The following SMOC1 variants were observed in gnomAD, a reference collection of about 807,000 sequenced individuals.
The protein encoded by SMOC1 is SPARC-related modular calcium-binding protein 1.
SMOC1 carries 22 observed loss-of-function variants against 56.3 expected under a neutral mutation model. That is an observed-to-expected ratio of 0.39 (90% confidence interval 0.28 to 0.56). The LOEUF (loss-of-function observed/expected upper bound fraction) is 0.56. Ranked by LOEUF, SMOC1 falls within the 20% of genes least tolerant of loss-of-function variation. The pLI is 0.61. For synonymous variants in SMOC1, 193 were observed against 215.0 expected, an observed-to-expected ratio of 0.90 and a Z score of 0.89; for missense variants, 509 against 565.4, an observed-to-expected ratio of 0.90 and a Z score of 1.01.
intron 1 of SMOC1, among the ~76,000 whole-genome samples, chr14:69,895,745 G>A (rs1224528901): frequency 1.3e-5 from 2 of 152,002 alleles, no homozygotes; most frequent in African/African-American, 4.8e-5. Context: ...TGGTGGTATG[G>A]CATTGTACTT....
intron 3 of SMOC1, among the ~76,000 whole-genome samples, chr14:69,973,182 C>G (rs766488670): frequency 6.6e-6 from 1 of 152,236 alleles, no homozygotes; most frequent in Non-Finnish European, 1.5e-5. Flanking sequence ...ACATTTCCAG[C>G]AGCATTTCCC....
At chr14:70,027,156 C>T (rs1462849313) in intron 11 of SMOC1, among the ~76,000 whole-genome samples, 1 of 152,214 alleles carries the variant, frequency 6.6e-6, no homozygotes, top group Non-Finnish European at 1.5e-5. Context: ...TCTGTGGGTC[C>T]TCTAGTCCAT....
intron 7 of SMOC1, among the ~76,000 whole-genome samples, chr14:70,005,411 G>A (rs1885116279): frequency 6.6e-6 from 1 of 152,148 alleles, no homozygotes; most frequent in East Asian, 1.9e-4. Context: ...CCCGTGCCCT[G>A]GGCCTGGAGA....
Position 69,952,125 on chromosome 14 carries a change from T to C in SMOC1, c.100-13T>C. On this transcript the variant is annotated splice_polypyrimidine_tract_variant and intron_variant, in intron 1 of 11. Coordinates refer to ENST00000361956, the MANE Select transcript of SMOC1 (RefSeq NM_001034852.3). ...AAGTAACCTCTGTACCCTTTCACTT[T>C]TTTCCAACCTAGTTTCTAATAAGTG... 1 of 1,614,134 alleles carries C rather than the reference T, an allele frequency of 6.2e-7. No individual in the cohort carries two copies. The highest frequency in any genetic ancestry group is 8.5e-7 in the Non-Finnish European group (1 of 1,179,982).
At chr14:69,966,612 C>T (rs1350366453) in intron 3 of SMOC1, among the ~76,000 whole-genome samples, 4 of 152,204 alleles carry the variant, frequency 2.6e-5, no homozygotes, top group Non-Finnish European at 4.4e-5. Flanking sequence ...TCACGCTCCA[C>T]TTACAGTCTC....
intron 1 of SMOC1, among the ~76,000 whole-genome samples, chr14:69,918,894 T>C (rs1009919): frequency 0.15 from 23,418 of 152,194 alleles, 2,329 homozygotes; most frequent in Admixed American, 0.28. Flanking sequence ...CAAGATCACA[T>C]ACAACCCAGG....
intron 1 of SMOC1, among the ~76,000 whole-genome samples, chr14:69,950,961 T>G (rs1315729425): frequency 2.0e-5 from 3 of 152,230 alleles, no homozygotes; most frequent in Admixed American, 6.5e-5. Context: ...GTTCTGACTT[T>G]GGGGTCTCTC....
chr14:70,017,499 TC>T (rs1885560772), intron 10 of SMOC1, among the ~76,000 whole-genome samples: 1 of 152,196 alleles, frequency 6.6e-6, no homozygotes, highest in African/African-American at 2.4e-5. Flanking sequence ...CCGCATCTGA[TC>T]CCTCCTTTAT....
chr14:70,014,390 A>G (rs1157202271), intron 10 of SMOC1, among the ~76,000 whole-genome samples: 1 of 152,226 alleles, frequency 6.6e-6, no homozygotes, highest in Non-Finnish European at 1.5e-5. Context: ...GGTAGGACTT[A>G]TCTACCTATC....
chr14:69,970,574 A>G (rs1883723733), intron 3 of SMOC1, among the ~76,000 whole-genome samples: 2 of 152,348 alleles, frequency 1.3e-5, no homozygotes, highest in Middle Eastern at 3.4e-3. Flanking sequence ...GAGATAATGC[A>G]TAGACCTTTG....
chr14:69,950,754 A>T (rs908533247), intron 1 of SMOC1, among the ~76,000 whole-genome samples: 2 of 152,174 alleles, frequency 1.3e-5, no homozygotes, highest in African/African-American at 4.8e-5. Context: ...TTGTTCTCCA[A>T]CTGTATTCTG....
intron 1 of SMOC1, among the ~76,000 whole-genome samples, chr14:69,899,041 C>T (rs1400632203): frequency 1.3e-5 from 2 of 152,218 alleles, no homozygotes; most frequent in Middle Eastern, 3.4e-3. Context: ...TCAGTGTTTC[C>T]CCCTACCTTA....
At chr14:69,881,647 C>T (rs1430590435) in intron 1 of SMOC1, among the ~76,000 whole-genome samples, 3 of 151,922 alleles carry the variant, frequency 2.0e-5, no homozygotes, top group Non-Finnish European at 4.4e-5. Flanking sequence ...TTCCCTCTTT[C>T]TCTCTCTCAC....
intron 1 of SMOC1, among the ~76,000 whole-genome samples, chr14:69,932,794 G>T (rs1239622375): frequency 6.6e-6 from 1 of 152,148 alleles, no homozygotes; most frequent in South Asian, 2.1e-4. Flanking sequence ...TGGGCGGGGG[G>T]TGCAGAGCAA....
intron 1 of SMOC1, among the ~76,000 whole-genome samples, chr14:69,931,950 T>A (rs1052808078): frequency 2.6e-5 from 4 of 152,204 alleles, no homozygotes; most frequent in Admixed American, 1.3e-4. Flanking sequence ...AGGCGTGGGA[T>A]GAGAAGTGGA....
At chr14:69,946,420 C>G (rs112513602) in intron 1 of SMOC1, among the ~76,000 whole-genome samples, 1 of 152,118 alleles carries the variant, frequency 6.6e-6, no homozygotes. Context: ...GTAGGAGAGA[C>G]GACTGCAGAT....
chr14:69,882,406 C>T (rs890083452), intron 1 of SMOC1, among the ~76,000 whole-genome samples: 2 of 152,184 alleles, frequency 1.3e-5, no homozygotes, highest in African/African-American at 4.8e-5. Flanking sequence ...GCCTAGACCC[C>T]AGTCCTCGCC....
intron 5 of SMOC1, among the ~76,000 whole-genome samples, chr14:69,988,770 T>C (rs1355178205): frequency 6.6e-6 from 1 of 152,226 alleles, no homozygotes; most frequent in East Asian, 1.9e-4. Context: ...GTAGCCTTAC[T>C]AGACATTTCA....
Position 69,952,216 on chromosome 14 carries a change from GGCAGGTCCTAC to G in SMOC1, c.180_190del (p.Arg61ValfsTer4), listed in dbSNP as rs1883025691. On this transcript the variant is annotated frameshift_variant, in exon 2 of 12. Coordinates refer to ENST00000361956, the MANE Select transcript of SMOC1 (RefSeq NM_001034852.3). LOFTEE classifies it high-confidence loss of function. The stretch of plus-strand genomic sequence containing the variant: ...ACCCAAACCCATCTGTGCCTCTGAT[GGCAGGTCCTAC>G]GAGTCCATGTGTGAGTACCAGCGAG... 1 of 1,614,024 alleles carries G rather than the reference GGCAGGTCCTAC, an allele frequency of 6.2e-7. No individual in the cohort carries two copies. Among genetic ancestry groups the G allele is most frequent in the Non-Finnish European group, 8.5e-7 (1 of 1,180,022 alleles).
Sources: gnomAD v4.1 joint callset for allele counts (sites outside exome capture counted in the v4.1 genomes callset) on GRCh38, gnomAD v4.1.1 for gene constraint, MANE v1.5 for transcripts, NCBI Gene and HGNC (gene_info 2026-07-23, HGNC 2026-07-21) for gene names.